The following PCLO variants were observed in gnomAD, a reference collection of about 807,000 sequenced individuals.
PCLO encodes the protein piccolo presynaptic cytomatrix protein, also known as protein piccolo.
In PCLO, 82 loss-of-function variants were observed where a neutral mutation model predicts 427.5. That is an observed-to-expected ratio of 0.19 (90% CI 0.16 to 0.23). The LOEUF (loss-of-function observed/expected upper bound fraction) is 0.23, where lower values mean the gene tolerates loss of function less well. Ranked by LOEUF, PCLO falls within the 10% of genes least tolerant of loss-of-function variation. PCLO has a pLI of 1.00. For missense variants in PCLO, 6,239 were observed against 6,115.9 expected (o/e 1.02, Z -0.67); for synonymous variants, 2,357 against 2,155.4 (o/e 1.09, Z -2.59).
intron 3 of PCLO, among the ~76,000 whole-genome samples, chr7:83,081,704 G>A (rs1308198149): frequency 6.6e-6 from 1 of 151,732 alleles, no homozygotes; most frequent in African/African-American, 2.4e-5. Context: ...TGAGTATATA[G>A]ATATTTGAGC....
chr7:83,098,659 C>T (rs1430836340), intron 3 of PCLO, among the ~76,000 whole-genome samples: 2 of 151,980 alleles, frequency 1.3e-5, no homozygotes, highest in Non-Finnish European at 2.9e-5. Flanking sequence ...AAAAATTGCA[C>T]ATCTAACTCT....
rs1033084928 is a variant in PCLO at position 82,993,611 on chromosome 7, AT to A, written c.3301-27125del. Among the ~76,000 whole-genome samples the A allele has an allele frequency of 5.6e-5, 8 of 142,928 alleles. No homozygotes were observed. In the South Asian group the frequency reaches 1.2e-3, roughly 22 times the overall value. The allele number at this position is 142,928 out of a possible 152,430, so 93.8% of individuals were successfully genotyped here. On this transcript the variant is annotated intron_variant, in intron 3 of 24. Transcript: ENST00000333891. Reference sequence around the variant, plus strand: ...CGTCTTTTTAAATTAAGGCATGTATATTTTTTTTAGTCATCAAAATGTGATT... The same window carrying A: ...CGTCTTTTTAAATTAAGGCATGTATATTTTTTTAGTCATCAAAATGTGATT...
At chr7:83,131,712 C>A (rs916168592) in intron 3 of PCLO, among the ~76,000 whole-genome samples, 3 of 151,900 alleles carry the variant, frequency 2.0e-5, no homozygotes, top group African/African-American at 4.8e-5. Flanking sequence ...CATGGAAGTA[C>A]GGTACTAACC....
chr7:82,950,522 T>C lies in PCLO; in HGVS notation c.10066A>G (p.Thr3356Ala), dbSNP rs1562876271. Residue 3356 changes from threonine to alanine, a missense_variant, in exon 6 of 25, where the codon ACC becomes GCC. Physicochemically the swap from Thr to Ala is moderately conservative, Grantham distance 58. Coordinates refer to ENST00000333891, the MANE Select transcript of PCLO (RefSeq NM_033026.6). ...GSQFWATEDA[T>A]TTASAVVAIE... The stretch of plus-strand genomic sequence containing the variant: ...GCCACAACAGCTGAAGCTGTGGTGG[T>C]TGCATCTTCAGTTGCCCAAAATTGA... 1 of 1,613,884 alleles carries C rather than the reference T, an allele frequency of 6.2e-7. No homozygotes were observed. Among genetic ancestry groups the C allele is most frequent in the Non-Finnish European group, 8.5e-7 (1 of 1,179,846 alleles).
chr7:82,816,321 C>T (rs1424833003), intron 20 of PCLO, among the ~76,000 whole-genome samples: 1 of 151,972 alleles, frequency 6.6e-6, no homozygotes, highest in Non-Finnish European at 1.5e-5. Context: ...TCTACCACTC[C>T]TTGGGCAGCA....
intron 17 of PCLO, 133 bp from the exon 18 acceptor site, chr7:82,826,793 G>GA: frequency 2.2e-6 from 1 of 450,092 alleles, no homozygotes; most frequent in Non-Finnish European, 3.8e-6. Flanking sequence ...AAATTTTACC[G>GA]AAAACTATGT....
chr7:83,134,406 T>C lies in PCLO; in HGVS notation c.3144A>G (p.Lys1048=). ...AEPQKAVLPT[K]LEKSPKPEST... The stretch of plus-strand genomic sequence containing the variant: ...ATTCTGGTTTGGGCGATTTCTCCAG[T>C]TTTGTGGGAAGGACAGCCTTTTGAG... Residue 1048 remains lysine (K), a synonymous_variant, in exon 3 of 25, where the codon AAA becomes AAG. Transcript: ENST00000333891. 1 of 1,613,704 alleles carries C rather than the reference T, an allele frequency of 6.2e-7. No individual in the cohort carries two copies. The highest frequency in any genetic ancestry group is 1.1e-5 in the South Asian group (1 of 91,060).
intron 20 of PCLO, among the ~76,000 whole-genome samples, chr7:82,814,320 T>C (rs1017757871): frequency 6.6e-6 from 1 of 151,550 alleles, no homozygotes; most frequent in African/African-American, 2.4e-5. Flanking sequence ...AGAAGAGATA[T>C]ATAAGATACA....
intron 3 of PCLO, among the ~76,000 whole-genome samples, chr7:83,084,313 T>C (rs1396258601): frequency 6.6e-6 from 1 of 152,102 alleles, no homozygotes; most frequent in Non-Finnish European, 1.5e-5. Context: ...ATGACCGTTT[T>C]AAGGCTCAAG....
intron 3 of PCLO, among the ~76,000 whole-genome samples, chr7:83,065,056 CA>C (rs61255338): frequency 0.77 from 108,561 of 140,134 alleles, 42,033 homozygotes; most frequent in African/African-American, 0.92. Flanking sequence ...GCTTGGGTTC[CA>C]AAAAAAAAAA....
intron 3 of PCLO, among the ~76,000 whole-genome samples, chr7:82,976,608 T>A (rs1336725601): frequency 6.6e-6 from 1 of 152,208 alleles, no homozygotes; most frequent in East Asian, 1.9e-4. Context: ...CTATTTTGGA[T>A]ATTAACTTGC....
chr7:82,953,661 G>T lies in PCLO; in HGVS notation c.7292C>A (p.Thr2431Asn). 1.3e-6 allele frequency: 2 copies of T among 1,523,974 alleles called. No homozygotes were observed. Among genetic ancestry groups the T allele is most frequent in the South Asian group, 2.4e-5 (2 of 84,672 alleles). 94.4% of individuals were successfully genotyped at this position (1,523,974 alleles called of 1,614,324 possible). A position where few individuals can be genotyped will look rare whatever the true frequency, so the allele number is the denominator to read the frequency against. ...AGGAAGAATAGTTGGTTTAGGTGAA[G>T]TTGGTGGAGGAAGTGGTGGGGGAGG... ...PPPPPPLPPP[T>N]SPKPTILPKK... The change falls in exon 5 of 25, where the codon ACT (threonine) becomes AAT (asparagine). Residue 2431 changes from threonine (T) to asparagine (N), a missense_variant. Physicochemically the swap from Thr to Asn is moderately conservative, Grantham distance 65. This residue lies in a region of PCLO where 4,677 missense variants were observed against 4,468.4 expected (regional missense o/e 1.05). Transcript: ENST00000333891.
Position 83,106,368 on chromosome 7 carries a change from C to T in PCLO, c.3300+27882G>A, listed in dbSNP as rs185925280. On this transcript the variant is annotated intron_variant, in intron 3 of 24. Coordinates refer to ENST00000333891, the MANE Select transcript of PCLO (RefSeq NM_033026.6). ...ATGTCAGGATTCTGGAAAACCAAAA[C>T]AATACATCAAGTGTCCATCACAAGA... Among the ~76,000 whole-genome samples, 8 of 152,248 alleles carry T rather than the reference C, an allele frequency of 5.3e-5. No individual in the cohort carries two copies. The East Asian group carries it at 1.5e-3, about 29-fold the overall frequency.
chr7:83,092,791 T>G (rs1348029925), intron 3 of PCLO, among the ~76,000 whole-genome samples: 1 of 151,478 alleles, frequency 6.6e-6, no homozygotes, highest in Admixed American at 6.6e-5. Flanking sequence ...CTGCTGAAAA[T>G]ACAAAGTTGG....
At chr7:82,902,779 A>G (rs1794080361) in intron 8 of PCLO, 38 bp from the exon 9 acceptor site, 2 of 964,914 alleles carry the variant, frequency 2.1e-6, no homozygotes, top group Non-Finnish European at 1.7e-6. Flanking sequence ...AACCAGCATT[A>G]AAGACACTTA....
At chr7:83,055,047 T>A (rs1378133148) in intron 3 of PCLO, among the ~76,000 whole-genome samples, 1 of 152,022 alleles carries the variant, frequency 6.6e-6, no homozygotes, top group East Asian at 1.9e-4. Context: ...CAACAGAAAA[T>A]CTCCTGAAGG....
chr7:82,899,745 AT>A (rs1293406239), intron 9 of PCLO, among the ~76,000 whole-genome samples: 3 of 151,556 alleles, frequency 2.0e-5, no homozygotes, highest in African/African-American at 7.2e-5. Flanking sequence ...GCTGGCATTT[AT>A]TTTTGTAATT....
rs1484160198 is a variant in PCLO at position 83,162,405 on chromosome 7, G to A, written c.188C>T (p.Ala63Val). ...RRQIAAVMSR[A>V]QGLPKGSVPP... ...GACGCTTCCCTTGGGCAGCCCCTGC[G>A]CCCTTGACATGACAGCGGCGATCTG... Residue 63 changes from alanine to valine, a missense_variant, in exon 1 of 25, where the codon GCG becomes GTG. By Grantham distance (64) the Ala-to-Val change is moderately conservative. Transcript: ENST00000333891. The A allele has an allele frequency of 1.3e-5, 21 of 1,598,588 alleles. No homozygotes were observed. Among genetic ancestry groups the A allele is most frequent in the Non-Finnish European group, 1.8e-5 (21 of 1,172,502 alleles).
chr7:82,871,161 T>C (rs1252672890), intron 10 of PCLO, among the ~76,000 whole-genome samples: 1 of 152,002 alleles, frequency 6.6e-6, no homozygotes, highest in Admixed American at 6.6e-5. Flanking sequence ...TGCACTCCCA[T>C]GTCTATTACA....
Sources: gnomAD v4.1 joint callset for allele counts (sites outside exome capture counted in the v4.1 genomes callset) on GRCh38, gnomAD v4.1.1 for gene constraint, gnomAD v4.1.1 regional missense constraint, MANE v1.5 for transcripts, NCBI Gene and HGNC (gene_info 2026-07-23, HGNC 2026-07-21) for gene names.